The following TACR2 variants were observed in gnomAD, a reference collection of about 807,000 sequenced individuals.
TACR2 encodes tachykinin receptor 2, also known as substance-K receptor.
Under a neutral mutation model 28.9 loss-of-function variants are expected in TACR2, and 24 were observed. That is an observed-to-expected ratio of 0.83 (90% CI 0.60 to 1.17). The LOEUF is 1.17. Among genes scored for constraint, TACR2 ranks in the 50% most tolerant of loss-of-function variants. TACR2 has a pLI of 0.00. For missense variants in TACR2, 487 were observed against 524.4 expected (o/e 0.93, Z 0.70); for synonymous variants, 222 against 212.6 (o/e 1.04, Z -0.38).
At chr10:69,407,952 C>A (rs147603953) in intron 3 of TACR2, among the ~76,000 whole-genome samples, 1 of 152,198 alleles carries the variant, frequency 6.6e-6, no homozygotes, top group East Asian at 1.9e-4. Flanking sequence ...CACCAGATGG[C>A]GCCCATGTGC....
chr10:69,415,206 C>T, intron 1 of TACR2, 67 bp from the exon 2 acceptor site: 1 of 1,519,410 alleles, frequency 6.6e-7, no homozygotes, highest in Non-Finnish European at 8.9e-7. Context: ...TCCCCTGTCT[C>T]CCTCTCTCCC....
intron 2 of TACR2, 46 bp from the exon 3 acceptor site, chr10:69,409,121 C>G: frequency 6.8e-7 from 1 of 1,475,260 alleles, no homozygotes; most frequent in South Asian, 1.3e-5. Context: ...CCGGGGGCGA[C>G]TCCGAAGTCT....
At chr10:69,414,910 C>T (rs1449646306) in intron 2 of TACR2, 35 bp downstream of exon 2, 1 of 1,584,400 alleles carries the variant, frequency 6.3e-7, no homozygotes, top group African/African-American at 1.3e-5. Flanking sequence ...CACACACACA[C>T]ACTGTTGCCC....
Position 69,416,318 on chromosome 10 carries a change from C to T in TACR2, c.6G>A (p.Gly2=). 1 of 1,585,004 alleles carries T rather than the reference C, an allele frequency of 6.3e-7. No homozygotes were observed. The change falls in exon 1 of 5, where the codon GGG becomes GGA. Residue 2 remains glycine (G), a synonymous_variant. Coordinates refer to ENST00000373306, the MANE Select transcript of TACR2 (RefSeq NM_001057.3). M[G]TCDIVTEANI... Reference sequence around the variant, plus strand: ...TGGCTTCAGTCACAATGTCACAGGTCCCCATGGCTGCTTCTGGGTCTGGAA... The same window carrying T: ...TGGCTTCAGTCACAATGTCACAGGTTCCCATGGCTGCTTCTGGGTCTGGAA...
chr10:69,411,982 C>G (rs7092797), intron 2 of TACR2, among the ~76,000 whole-genome samples: 2,505 of 152,236 alleles, frequency 0.016, 79 homozygotes, highest in African/African-American at 0.057. Context: ...CAGGTGCCTG[C>G]CACCACGCCC....
intron 2 of TACR2, among the ~76,000 whole-genome samples, chr10:69,410,955 C>T (rs1439350012): frequency 3.9e-5 from 6 of 152,288 alleles, no homozygotes; most frequent in East Asian, 3.9e-4. Flanking sequence ...GATCCCACTT[C>T]GGTCTGTAAA....
At chr10:69,406,800 G>T (rs1221289068) in intron 4 of TACR2, among the ~76,000 whole-genome samples, 1 of 151,962 alleles carries the variant, frequency 6.6e-6, no homozygotes, top group East Asian at 1.9e-4. Context: ...TCTTGCCCCA[G>T]ACACAGAACC....
intron 2 of TACR2, among the ~76,000 whole-genome samples, chr10:69,410,550 C>G (rs1024649960): frequency 1.3e-5 from 2 of 151,572 alleles, no homozygotes; most frequent in Non-Finnish European, 2.9e-5. Flanking sequence ...GACAGTGTCC[C>G]CAGTTCTCAG....
At chr10:69,411,556 T>C (rs371393693) in intron 2 of TACR2, among the ~76,000 whole-genome samples, 1 of 152,266 alleles carries the variant, frequency 6.6e-6, no homozygotes, top group African/African-American at 2.4e-5. Context: ...CCCAAATTCC[T>C]TGGGGGCAAC....
At chr10:69,410,324 C>A (rs1307577925) in intron 2 of TACR2, among the ~76,000 whole-genome samples, 1 of 151,666 alleles carries the variant, frequency 6.6e-6, no homozygotes, top group Non-Finnish European at 1.5e-5. Context: ...TGAGACCAAC[C>A]TGGGCAAGAT....
rs117706632 is a variant in TACR2 at position 69,410,072 on chromosome 10, G to A, written c.588-997C>T. Among the ~76,000 whole-genome samples, 994 of 151,840 alleles carry A rather than the reference G, an allele frequency of 6.5e-3. 7 individuals are homozygous for A. Among genetic ancestry groups the A allele is most frequent in the Middle Eastern group, 0.01 (3 of 294 alleles). Reference sequence around the variant, plus strand: ...CATGCTGCTGTGTCATCTGCTTATGGTTTATCAGCATTTGGCTGGGAACCT... The same window carrying A: ...CATGCTGCTGTGTCATCTGCTTATGATTTATCAGCATTTGGCTGGGAACCT... On this transcript the variant is annotated intron_variant, in intron 2 of 4. Transcript: ENST00000373306.
chr10:69,413,863 G>T (rs1840588424), intron 2 of TACR2, among the ~76,000 whole-genome samples: 1 of 152,204 alleles, frequency 6.6e-6, no homozygotes. Flanking sequence ...CTGGGTACCA[G>T]TTCTGTGCCA....
chr10:69,411,057 C>A (rs1840565875), intron 2 of TACR2, among the ~76,000 whole-genome samples: 1 of 152,184 alleles, frequency 6.6e-6, no homozygotes, highest in Non-Finnish European at 1.5e-5. Context: ...GGGTCCCTTT[C>A]ATGGAACAGA....
rs372518823 is a variant in TACR2, at chr10:69,416,372, G to A, written c.-49C>T. The A allele has an allele frequency of 2.2e-5, 33 of 1,532,748 alleles. No homozygotes were observed. Among genetic ancestry groups the A allele is most frequent in the African/African-American group, 1.9e-4 (14 of 72,476 alleles). 94.9% of individuals were successfully genotyped at this position (1,532,748 alleles called of 1,614,324 possible). ...AGGACCTGGCTCCTCGGCTCCTCTC[G>A]GATTTGCTATGAAAGAGAACTCCCC... is the stretch of plus-strand genomic sequence containing the variant. On this transcript the variant is annotated 5_prime_UTR_variant, in exon 1 of 5. Coordinates refer to ENST00000373306, the MANE Select transcript of TACR2 (RefSeq NM_001057.3).
intron 3 of TACR2, among the ~76,000 whole-genome samples, chr10:69,408,010 G>C (rs1840519013): frequency 6.6e-6 from 1 of 152,220 alleles, no homozygotes; most frequent in African/African-American, 2.4e-5. Flanking sequence ...TTTTGGGTGA[G>C]AAGCATGGCT....
chr10:69,414,899 T>A (rs200799435), intron 2 of TACR2, 46 bp downstream of exon 2: 1 of 1,539,220 alleles, frequency 6.5e-7, no homozygotes. Flanking sequence ...ACACACAGAC[T>A]CACACACACA....
intron 2 of TACR2, among the ~76,000 whole-genome samples, chr10:69,410,819 C>T (rs1564581480): frequency 6.6e-6 from 1 of 152,212 alleles, no homozygotes; most frequent in Admixed American, 6.5e-5. Context: ...ACGTAGCGTT[C>T]TTGCCTGTTC....
At position 69,404,986 on chromosome 10, in the gene TACR2, G is replaced by A. The variant is rs149349610; in HGVS notation, c.1037C>T (p.Thr346Met). Residue 346 changes from threonine to methionine, a missense_variant, in exon 5 of 5, where the codon ACG (threonine) becomes ATG (methionine). By Grantham distance (81) the Thr-to-Met change is moderately conservative (BLOSUM62 -1). Coordinates refer to ENST00000373306, the MANE Select transcript of TACR2 (RefSeq NM_001057.3). The part of the protein sequence containing the change: ...LELTPTTSLS[T>M]RVNRCHTKET... ...CTTAGTGTGACACCTGTTGACTCTC[G>A]TGGAGAGGGAGGTCGTGGGAGTCAG... is the stretch of plus-strand genomic sequence containing the variant. The A allele has an allele frequency of 9.0e-4, 1,449 of 1,614,208 alleles. 2 individuals carry two copies. The highest frequency in any genetic ancestry group is 3.3e-3 in the Middle Eastern group (20 of 6,062).
intron 2 of TACR2, among the ~76,000 whole-genome samples, chr10:69,409,880 T>TACATATATACATATATATATATAC (rs1472456808): frequency 6.0e-5 from 2 of 33,558 alleles, no homozygotes; most frequent in Admixed American, 6.6e-4. Context: ...TATATATATA[T>TACATATATACATATATATATATAC]ACATATATAC....
Sources: gnomAD v4.1 joint callset for allele counts (sites outside exome capture counted in the v4.1 genomes callset) on GRCh38, gnomAD v4.1.1 for gene constraint, MANE v1.5 for transcripts, NCBI Gene and HGNC (gene_info 2026-07-23, HGNC 2026-07-21) for gene names.